Variants in POMT2 observed in about 807,000 individuals in gnomAD.
The protein encoded by POMT2 is protein O-mannosyl-transferase 2.
Under a neutral mutation model 100.0 loss-of-function variants are expected in POMT2, and 75 were observed. The observed-to-expected ratio is 0.75, with a 90% CI of 0.62 to 0.91. POMT2 has a LOEUF of 0.91. POMT2 is among the 40% of genes least tolerant of loss of function. POMT2 has a pLI of 0.00. For missense variants in POMT2, 940 were observed against 955.1 expected (o/e 0.98, Z 0.21); for synonymous variants, 378 against 374.1 (o/e 1.01, Z -0.12).
At chr14:77,294,127 AC>A (rs1890738938) in intron 9 of POMT2, among the ~76,000 whole-genome samples, 1 of 152,254 alleles carries the variant, frequency 6.6e-6, no homozygotes, top group Admixed American at 6.5e-5. Flanking sequence ...AGGGCTGAAA[AC>A]CACTGGGCCA....
At chr14:77,290,755 G>A (rs1594788468) in intron 10 of POMT2, among the ~76,000 whole-genome samples, 4 of 152,190 alleles carry the variant, frequency 2.6e-5, no homozygotes, top group Admixed American at 1.3e-4. Flanking sequence ...CTTCACCCAG[G>A]CCAGTTAGAA....
In POMT2 at chr14:77,278,514, G is replaced by T. The variant is rs1566642627; in HGVS notation, c.2033-6C>A. ...GAGGGTGTCCCACAGAATGCCTAGA[G>T]GAGAGGAGAGAAACCTGGAGTCAGC... is the stretch of plus-strand genomic sequence containing the variant. On this transcript the variant is annotated splice_region_variant and splice_polypyrimidine_tract_variant and intron_variant, in intron 19 of 20. Transcript: ENST00000261534. 6.8e-7 allele frequency: 1 copy of T among 1,465,718 alleles called. No individual in the cohort carries two copies. Among genetic ancestry groups the T allele is most frequent in the East Asian group, 2.5e-5 (1 of 40,594 alleles). 90.8% of individuals were successfully genotyped at this position (1,465,718 alleles called of 1,614,324 possible).
intron 5 of POMT2, among the ~76,000 whole-genome samples, chr14:77,301,949 G>A (rs1891059444): frequency 6.6e-6 from 1 of 152,160 alleles, no homozygotes; most frequent in Admixed American, 6.5e-5. Context: ...TTCCTTAACA[G>A]CCAAGCCCAA....
intron 13 of POMT2, 112 bp downstream of exon 13, chr14:77,285,369 A>G: frequency 7.0e-7 from 1 of 1,426,598 alleles, no homozygotes; most frequent in Non-Finnish European, 9.7e-7. Context: ...TGCCACTAAG[A>G]ACAAGCAGAC....
Position 77,283,743 on chromosome 14 carries a change from C to T in POMT2, c.1653+54G>A, listed in dbSNP as rs900294492. 13 of 1,464,126 alleles carry T rather than the reference C, an allele frequency of 8.9e-6. No individual in the cohort carries two copies. In the East Asian group the frequency reaches 2.0e-4, roughly 23 times the overall value. The allele number at this position is 1,464,126 out of a possible 1,614,324, so 90.7% of individuals were successfully genotyped here. ...ATGGCATTGACTTGTGATCCAAATT[C>T]ATGGCTGCCCAAAAGCTCTTAGAGA... On this transcript the variant is annotated intron_variant, in intron 15 of 20. Transcript: ENST00000261534.
intron 18 of POMT2, chr14:77,279,582 G>A: frequency 1.5e-6 from 1 of 646,706 alleles, no homozygotes; most frequent in Non-Finnish European, 2.9e-6. Context: ...TGGTTCCTTG[G>A]TTTCCTAATC....
chr14:77,305,062 G>C (rs1410302718), intron 3 of POMT2, among the ~76,000 whole-genome samples: 2 of 152,180 alleles, frequency 1.3e-5, no homozygotes, highest in East Asian at 3.8e-4. Context: ...GTGTGGGTAG[G>C]AGACAGGGAG....
intron 9 of POMT2, among the ~76,000 whole-genome samples, chr14:77,294,352 C>T (rs998680806): frequency 1.3e-5 from 2 of 152,192 alleles, no homozygotes; most frequent in African/African-American, 2.4e-5. Context: ...GATGGAGTCT[C>T]ACTCTTTTGC....
In POMT2 at chr14:77,277,259, C is replaced by T; in HGVS notation, c.*117G>A. 1 of 859,304 alleles carries T rather than the reference C, an allele frequency of 1.2e-6. No individual in the cohort carries two copies. 53.2% of individuals were successfully genotyped at this position (859,304 alleles called of 1,614,324 possible). On this transcript the variant is annotated 3_prime_UTR_variant, in exon 21 of 21. Coordinates refer to ENST00000261534, the MANE Select transcript of POMT2 (RefSeq NM_013382.7). ...ACTCCCAGAGCTGGGTCCTGGTGAG[C>T]AGCAGAATTCTTCGGGCTCCTTAGG...
chr14:77,281,631 G>GTC (rs1890238706), intron 15 of POMT2, among the ~76,000 whole-genome samples: 1 of 152,176 alleles, frequency 6.6e-6, no homozygotes, highest in Non-Finnish European at 1.5e-5. Flanking sequence ...CAGAAGGGGA[G>GTC]TCAGCTGCCA....
At chr14:77,289,629 T>A (rs185641881) in intron 10 of POMT2, among the ~76,000 whole-genome samples, 34 of 152,238 alleles carry the variant, frequency 2.2e-4, no homozygotes, top group African/African-American at 7.7e-4. Flanking sequence ...TAAAAAGTAA[T>A]TCCATACAAA....
At chr14:77,317,145 G>A (rs950780292) in intron 1 of POMT2, among the ~76,000 whole-genome samples, 7 of 152,190 alleles carry the variant, frequency 4.6e-5, no homozygotes, top group Non-Finnish European at 7.3e-5. Flanking sequence ...CCACCACTGC[G>A]TGCCAGACTT....
At chr14:77,308,659 A>G (rs1891324465) in intron 2 of POMT2, 4 of 380,728 alleles carry the variant, frequency 1.1e-5, no homozygotes, top group South Asian at 1.9e-5. Context: ...CCCGGCCAAC[A>G]AAGTTTTTAA....
intron 1 of POMT2, among the ~76,000 whole-genome samples, chr14:77,313,461 A>G (rs145635179): frequency 0.011 from 1,704 of 152,330 alleles, 24 homozygotes; most frequent in African/African-American, 0.039. Context: ...AAAATCACTT[A>G]TTCTCTCTAG....
At chr14:77,303,367 G>A (rs1891119950) in intron 4 of POMT2, among the ~76,000 whole-genome samples, 1 of 152,152 alleles carries the variant, frequency 6.6e-6, no homozygotes, top group Non-Finnish European at 1.5e-5. Flanking sequence ...AGATGGCAGA[G>A]TGATGTTTTT....
chr14:77,279,168 A>G (rs757598681), intron 18 of POMT2: 1 of 480,120 alleles, frequency 2.1e-6, no homozygotes, highest in African/African-American at 2.0e-5. Context: ...CCCTACTTCC[A>G]CCTCCCACAT....
In POMT2 at chr14:77,296,196, AGAGGTGCCT is replaced by A; in HGVS notation, c.1075_1083del (p.Arg359_Leu361del). 6.2e-7 allele frequency: 1 copy of A among 1,608,560 alleles called. No individual in the cohort carries two copies. Among genetic ancestry groups the A allele is most frequent in the South Asian group, 1.1e-5 (1 of 89,408 alleles). On this transcript the variant is annotated inframe_deletion, in exon 9 of 21. Transcript: ENST00000261534. ...TGACGGGCACCAATGCCCTCGGGGT[AGAGGTGCCT>A]GTGGGAGTGCAGATAGCCGATGGCC...
chr14:77,305,542 C>T (rs1007101087), intron 3 of POMT2, among the ~76,000 whole-genome samples: 1 of 152,180 alleles, frequency 6.6e-6, no homozygotes, highest in Non-Finnish European at 1.5e-5. Flanking sequence ...GGATATACTC[C>T]TTGTTTAATA....
At position 77,276,494 on chromosome 14, in the gene POMT2, C is replaced by G. The variant is rs560566070; in HGVS notation, c.*882G>C. The G allele has an allele frequency of 9.2e-5, 14 of 152,632 alleles. No homozygotes were observed. The highest frequency in any genetic ancestry group is 2.6e-4 in the Admixed American group (4 of 15,310). 9.5% of individuals were successfully genotyped at this position (152,632 alleles called of 1,614,324 possible). On this transcript the variant is annotated 3_prime_UTR_variant, in exon 21 of 21. Coordinates refer to ENST00000261534, the MANE Select transcript of POMT2 (RefSeq NM_013382.7). Reference sequence around the variant, plus strand: ...TAAGCAAGGTTCCCATGGGCTCTCCCAGCAGCCAGGAGAATGCATCTGCCT... The same window carrying G: ...TAAGCAAGGTTCCCATGGGCTCTCCGAGCAGCCAGGAGAATGCATCTGCCT...
Sources: gnomAD v4.1 joint callset for allele counts (sites outside exome capture counted in the v4.1 genomes callset) on GRCh38, gnomAD v4.1.1 for gene constraint, MANE v1.5 for transcripts, NCBI Gene and HGNC (gene_info 2026-07-23, HGNC 2026-07-21) for gene names.